KDM4C: variants seen among roughly 807,000 people sequenced by gnomAD.
KDM4C encodes lysine demethylase 4C.
In KDM4C, 81 loss-of-function variants were observed where a neutral mutation model predicts 129.3. The ratio of observed to expected loss-of-function variants is 0.63; its 90% CI spans 0.52 to 0.75. The LOEUF (loss-of-function observed/expected upper bound fraction) is 0.75. KDM4C is among the 30% of genes least tolerant of loss of function. KDM4C has a pLI of 0.00. For synonymous variants in KDM4C, 573 were observed against 456.1 expected, an observed-to-expected ratio of 1.26 and a Z score of -3.26; for missense variants, 1,457 against 1,304.0, an observed-to-expected ratio of 1.12 and a Z score of -1.81.
intron 1 of KDM4C, among the ~76,000 whole-genome samples, chr9:6,738,118 A>T (rs1242997925): frequency 6.7e-6 from 1 of 149,230 alleles, no homozygotes; most frequent in Non-Finnish European, 1.5e-5. Flanking sequence ...GGGCAACAAG[A>T]CCAAAACTCC....
intron 5 of KDM4C, among the ~76,000 whole-genome samples, chr9:6,857,550 C>A (rs1035709292): frequency 1.3e-5 from 2 of 152,086 alleles, no homozygotes; most frequent in Admixed American, 6.5e-5. Context: ...AAGGAACCAT[C>A]CAGGATATCT....
At chr9:6,810,745 T>C (rs1010578851) in intron 3 of KDM4C, among the ~76,000 whole-genome samples, 2 of 151,794 alleles carry the variant, frequency 1.3e-5, no homozygotes, top group Non-Finnish European at 2.9e-5. Flanking sequence ...GTGGCATGTG[T>C]CTGTAGTCCC....
chr9:6,723,631 A>G (rs1182329701), intron 1 of KDM4C: 1 of 29,978 alleles, frequency 3.3e-5, no homozygotes. Context: ...ACTCCATCTC[A>G]AAAAAAAAAA....
intron 8 of KDM4C, among the ~76,000 whole-genome samples, chr9:6,905,062 G>A (rs914939404): frequency 6.6e-6 from 1 of 152,234 alleles, no homozygotes; most frequent in Non-Finnish European, 1.5e-5. Flanking sequence ...GCAGAGAGCA[G>A]ATGGTGCTTA....
chr9:7,068,686 CT>C (rs542039227), intron 17 of KDM4C, among the ~76,000 whole-genome samples: 42,953 of 100,464 alleles, frequency 0.43, 12,013 homozygotes, highest in South Asian at 0.5. Flanking sequence ...GATGCCCTTT[CT>C]TTTTTTTTTT....
chr9:6,723,248 G>A (rs560730233), intron 1 of KDM4C, among the ~76,000 whole-genome samples: 100 of 151,976 alleles, frequency 6.6e-4, no homozygotes, highest in African/African-American at 2.3e-3. Context: ...GGTGGTGGGC[G>A]ACTGTAATCC....
chr9:6,961,784 G>A (rs1830098349), intron 8 of KDM4C, among the ~76,000 whole-genome samples: 1 of 152,098 alleles, frequency 6.6e-6, no homozygotes, highest in Non-Finnish European at 1.5e-5. Context: ...TCTGTCATCC[G>A]TTCATTGTCA....
At chr9:6,784,958 A>AC (rs1588243395) in intron 1 of KDM4C, among the ~76,000 whole-genome samples, 1 of 152,198 alleles carries the variant, frequency 6.6e-6, no homozygotes, top group Non-Finnish European at 1.5e-5. Flanking sequence ...AGTTAGATGA[A>AC]AAGTCAGAGT....
intron 1 of KDM4C, chr9:6,748,875 T>A: frequency 1.0e-6 from 1 of 999,688 alleles, no homozygotes; most frequent in Non-Finnish European, 1.6e-6. Context: ...CACTTGCTCA[T>A]AGAGCCACAC....
chr9:7,147,560 TA>T (rs1389308022), intron 19 of KDM4C, among the ~76,000 whole-genome samples: 1 of 152,146 alleles, frequency 6.6e-6, no homozygotes, highest in Non-Finnish European at 1.5e-5. Context: ...CCAACAACAA[TA>T]AAAAAGGGGA....
chr9:7,107,367 C>G (rs1837808159), intron 18 of KDM4C, among the ~76,000 whole-genome samples: 1 of 152,230 alleles, frequency 6.6e-6, no homozygotes, highest in South Asian at 2.1e-4. Flanking sequence ...TACCTATACA[C>G]TATATACTTC....
intron 5 of KDM4C, among the ~76,000 whole-genome samples, chr9:6,863,734 G>A (rs1841411221): frequency 6.7e-6 from 1 of 149,948 alleles, no homozygotes; most frequent in South Asian, 2.1e-4. Context: ...GGCAGAGCTT[G>A]CAGTGAGCCG....
At chr9:6,762,799 C>G (rs1819820070) in intron 1 of KDM4C, among the ~76,000 whole-genome samples, 1 of 151,752 alleles carries the variant, frequency 6.6e-6, no homozygotes, top group South Asian at 2.1e-4. Context: ...GCTGAAATTA[C>G]AGGCACCTGC....
At chr9:6,792,763 T>C (rs1207356644) in intron 1 of KDM4C, among the ~76,000 whole-genome samples, 1 of 152,100 alleles carries the variant, frequency 6.6e-6, no homozygotes, top group Non-Finnish European at 1.5e-5. Context: ...CTACCTGGCA[T>C]AGGGAACTTG....
chr9:6,815,225 A>T (rs1831866157), intron 4 of KDM4C: 1 of 152,010 alleles, frequency 6.6e-6, no homozygotes, highest in South Asian at 2.1e-4. Context: ...ATGTTATTAC[A>T]GTCTAGCCAT....
chr9:6,729,037 C>T (rs540198112), intron 1 of KDM4C, among the ~76,000 whole-genome samples: 1 of 151,304 alleles, frequency 6.6e-6, no homozygotes, highest in African/African-American at 2.4e-5. Context: ...AACCCCACCT[C>T]TACTAAAAAT....
At chr9:6,751,348 A>T (rs1314231275) in intron 1 of KDM4C, among the ~76,000 whole-genome samples, 1 of 152,164 alleles carries the variant, frequency 6.6e-6, no homozygotes, top group African/African-American at 2.4e-5. Context: ...AGGGAGGCTG[A>T]GGTGGGAGGA....
At chr9:7,125,719 G>C (rs980052835) in intron 18 of KDM4C, among the ~76,000 whole-genome samples, 5 of 152,164 alleles carry the variant, frequency 3.3e-5, no homozygotes, top group African/African-American at 1.2e-4. Flanking sequence ...GAAAAGACTG[G>C]GGTTTAATGA....
At chr9:6,954,689 T>A (rs1355854744) in intron 8 of KDM4C, among the ~76,000 whole-genome samples, 1 of 152,190 alleles carries the variant, frequency 6.6e-6, no homozygotes, top group African/African-American at 2.4e-5. Context: ...TTTAAATGAT[T>A]TAGCATTCTA....
Sources: allele counts gnomAD v4.1 joint callset (sites outside exome capture counted in the v4.1 genomes callset), GRCh38; gene constraint gnomAD v4.1.1; transcripts MANE v1.5; gene names NCBI Gene and HGNC (gene_info 2026-07-23, HGNC 2026-07-21).